The following PIK3R5 variants were observed in gnomAD, a reference collection of about 807,000 sequenced individuals.
PIK3R5 encodes the protein phosphoinositide-3-kinase regulatory subunit 5.
A neutral mutation model predicts 94.9 loss-of-function variants in PIK3R5; 32 were observed. The observed-to-expected ratio is 0.34, with a 90% CI of 0.25 to 0.45. The LOEUF is 0.45. Among genes scored for constraint, PIK3R5 ranks in the 20% least tolerant of loss-of-function variants. The probability of loss-of-function intolerance (pLI) is 1.00; values close to 1 mark genes in which losing one functional copy is unlikely to be tolerated. For missense variants in PIK3R5, 853 were observed against 1,144.6 expected (o/e 0.75, Z 3.68); for synonymous variants, 443 against 479.4 (o/e 0.92, Z 0.99).
At chr17:8,965,513 C>T (rs1412535818) in intron 1 of PIK3R5, 83 bp downstream of exon 1, 2 of 152,442 alleles carry the variant, frequency 1.3e-5, no homozygotes, top group Non-Finnish European at 2.9e-5. Flanking sequence ...CCCACTCTCC[C>T]CGACGGTCCC....
intron 6 of PIK3R5, among the ~76,000 whole-genome samples, chr17:8,891,521 C>T (rs2090023228): frequency 6.6e-6 from 1 of 152,100 alleles, no homozygotes; most frequent in African/African-American, 2.4e-5. Context: ...CTGGCCACTG[C>T]TACCTCCCTT....
In PIK3R5 at chr17:8,962,744, A is replaced by C. The variant is rs142216569; in HGVS notation, c.-14+2852T>G. Among the ~76,000 whole-genome samples, 314 of 152,374 alleles carry C rather than the reference A, an allele frequency of 2.1e-3. 1 individual carries two copies. Among genetic ancestry groups the C allele is most frequent in the African/African-American group, 6.9e-3 (287 of 41,584 alleles). ...TCAGTGAAATTCATACAATTAGCAC[A>C]TTCAGTGCTAAAATGTGAAAATATG... On this transcript the variant is annotated intron_variant, in intron 1 of 18. Transcript: ENST00000447110.
At chr17:8,885,099 C>T (rs943727850) in intron 14 of PIK3R5, 35 of 362,976 alleles carry the variant, frequency 9.6e-5, no homozygotes, top group Admixed American at 4.2e-4. Context: ...GCCCCATCTC[C>T]GCTGTGATCA....
chr17:8,955,104 T>C lies in PIK3R5; in HGVS notation c.-14+10492A>G, dbSNP rs2091446212. 6.6e-6 allele frequency among the ~76,000 whole-genome samples: 1 copy of C among 152,118 alleles called. No individual in the cohort carries two copies. On this transcript the variant is annotated intron_variant, in intron 1 of 18. Transcript: ENST00000447110. The surrounding 1 kb of genome is among the most constrained non-coding windows in gnomAD (Gnocchi z 4.4). ...CTGGTGTCTGAAGCCCTTGCAGTTGTGCACAGAAGACCAGTGATATGTCTG... is the reference window on the plus strand; with the variant it reads ...CTGGTGTCTGAAGCCCTTGCAGTTGCGCACAGAAGACCAGTGATATGTCTG...
At chr17:8,899,595 C>G (rs1177648400) in intron 5 of PIK3R5, among the ~76,000 whole-genome samples, 1 of 152,182 alleles carries the variant, frequency 6.6e-6, no homozygotes, top group Non-Finnish European at 1.5e-5. Flanking sequence ...CCAGTATTTG[C>G]AAGTACAATG....
At chr17:8,907,277 C>T (rs529291384) in intron 3 of PIK3R5, among the ~76,000 whole-genome samples, 14 of 152,152 alleles carry the variant, frequency 9.2e-5, no homozygotes, top group Admixed American at 1.3e-4. Context: ...ATGATCCGCC[C>T]GCCTTGGCTT....
chr17:8,895,932 A>G (rs1206863356), intron 5 of PIK3R5, among the ~76,000 whole-genome samples: 3 of 152,230 alleles, frequency 2.0e-5, no homozygotes, highest in Non-Finnish European at 4.4e-5. Context: ...CTCACCCCCA[A>G]AACACCATCA....
At position 8,943,885 on chromosome 17, in the gene PIK3R5, C is replaced by CTT. The variant is rs59093560; in HGVS notation, c.-14+21709_-14+21710dup. ...CTGCTGTACCCTAGGGAATATACTC[C>CTT]TTTTTTTTTTTAACTTTTATTTTAG... is the stretch of plus-strand genomic sequence containing the variant. On this transcript the variant is annotated intron_variant, in intron 1 of 18. Coordinates refer to ENST00000447110, the MANE Select transcript of PIK3R5 (RefSeq NM_001142633.3). Among the ~76,000 whole-genome samples the CTT allele has an allele frequency of 4.1e-3, 603 of 147,528 alleles. 4 individuals are homozygous for CTT. The highest frequency in any genetic ancestry group is 0.013 in the African/African-American group (524 of 40,146).
chr17:8,939,911 A>T (rs1415507933), intron 1 of PIK3R5, among the ~76,000 whole-genome samples: 1 of 152,000 alleles, frequency 6.6e-6, no homozygotes. Context: ...GAATTCCTCA[A>T]ATCTGCGTAT....
rs778924044 is a variant in PIK3R5, at chr17:8,888,540, C to G, written c.1247G>C (p.Arg416Thr). The G allele has an allele frequency of 2.1e-5, 34 of 1,611,770 alleles. No individual in the cohort carries two copies. Among genetic ancestry groups the G allele is most frequent in the Non-Finnish European group, 2.8e-5 (33 of 1,179,724 alleles). ...GATCCTGATGAACTTCTGCCCAGGC[C>G]TGCGGTGGCCTCGGCGTTCCTGGCT... is the stretch of plus-strand genomic sequence containing the variant. ...RGSQERRGHR[R>T]PGQKFIRIYK... Residue 416 changes from arginine to threonine, a missense_variant, in exon 10 of 19, where the codon AGG becomes ACG. Transcript: ENST00000447110. The surrounding 1 kb of genome is among the most constrained non-coding windows in gnomAD (Gnocchi z 7.8).
rs566409532 is a variant in PIK3R5 at position 8,884,105 on chromosome 17, T to A, written c.2205+602A>T. Among the ~76,000 whole-genome samples, 24 of 152,282 alleles carry A rather than the reference T, an allele frequency of 1.6e-4. No homozygotes were observed. In the South Asian group the frequency reaches 4.8e-3, roughly 30 times the overall value. On this transcript the variant is annotated intron_variant, in intron 15 of 18. Coordinates refer to ENST00000447110, the MANE Select transcript of PIK3R5 (RefSeq NM_001142633.3). This position sits in a 1 kb window ranked among gnomAD's most constrained non-coding sequence, Gnocchi z 5.8. ...TAAAGTGAGGCCTAGGCTTCCCTGC[T>A]CAACCCCTCTTTTCCCCTGCCCAGC...
At chr17:8,957,966 C>G (rs554734617) in intron 1 of PIK3R5, among the ~76,000 whole-genome samples, 32 of 152,272 alleles carry the variant, frequency 2.1e-4, no homozygotes, top group African/African-American at 7.2e-4. Flanking sequence ...CAAAAACTGA[C>G]AACGGCAGCA....
Position 8,884,570 on chromosome 17 carries a change from C to A in PIK3R5, c.2205+137G>T. 1 of 669,436 alleles carries A rather than the reference C, an allele frequency of 1.5e-6. No homozygotes were observed. The highest frequency in any genetic ancestry group is 2.7e-6 in the Non-Finnish European group (1 of 373,254). 41.5% of individuals were successfully genotyped at this position (669,436 alleles called of 1,614,324 possible). A position where few individuals can be genotyped will look rare whatever the true frequency, so the allele number is the denominator to read the frequency against. On this transcript the variant is annotated intron_variant, in intron 15 of 18. Transcript: ENST00000447110. This position sits in a 1 kb window ranked among gnomAD's most constrained non-coding sequence, Gnocchi z 5.8. ...TCCCTTCTCTGCTTCTCTCAGCATCCAGGGGAGCCTGCTGCAGCCTTCCAG... is the reference window on the plus strand; with the variant it reads ...TCCCTTCTCTGCTTCTCTCAGCATCAAGGGGAGCCTGCTGCAGCCTTCCAG...
At chr17:8,894,596 C>A (rs951727149) in intron 5 of PIK3R5, among the ~76,000 whole-genome samples, 5 of 152,138 alleles carry the variant, frequency 3.3e-5, no homozygotes, top group African/African-American at 1.2e-4. Context: ...AGAAACACAC[C>A]AAAGGTTTTC....
In PIK3R5 at chr17:8,890,640, TA is replaced by T; in HGVS notation, c.657+97del. The T allele has an allele frequency of 9.2e-7, 1 of 1,087,078 alleles. No homozygotes were observed. The highest frequency in any genetic ancestry group is 1.3e-6 in the Non-Finnish European group (1 of 766,682). 67.3% of individuals were successfully genotyped at this position (1,087,078 alleles called of 1,614,324 possible). On this transcript the variant is annotated intron_variant, in intron 7 of 18. Coordinates refer to ENST00000447110, the MANE Select transcript of PIK3R5 (RefSeq NM_001142633.3). This position sits in a 1 kb window ranked among gnomAD's most constrained non-coding sequence, Gnocchi z 6.1. ...GCCATGTCACCTGGGTGCAGGAGAC[TA>T]AGTGTACCCTGGAGACCGTGGCTGA...
chr17:8,917,192 G>T (rs2090647562), intron 1 of PIK3R5, among the ~76,000 whole-genome samples: 1 of 152,224 alleles, frequency 6.6e-6, no homozygotes, highest in Non-Finnish European at 1.5e-5. Flanking sequence ...GGTGAGAAAA[G>T]GGTGGATAGG....
In PIK3R5 at chr17:8,945,932, C is replaced by T. The variant is rs78030487; in HGVS notation, c.-14+19664G>A. On this transcript the variant is annotated intron_variant, in intron 1 of 18. Transcript: ENST00000447110. The surrounding 1 kb of genome is among the most constrained non-coding windows in gnomAD (Gnocchi z 4.0). ...TGAGAAATTAGATTATCCATCTGGA[C>T]GTTGCCATGATGTAAGGAAGCCCAA... 0.012 allele frequency among the ~76,000 whole-genome samples: 1,797 copies of T among 152,274 alleles called. 42 individuals are homozygous for T. The highest frequency in any genetic ancestry group is 0.042 in the African/African-American group (1,727 of 41,546).
chr17:8,885,014 C>CGT (rs995475062), intron 14 of PIK3R5: 4 of 539,324 alleles, frequency 7.4e-6, no homozygotes, highest in Non-Finnish European at 1.3e-5. Context: ...TGTGATCACA[C>CGT]ATTCCCAGGG....
Position 8,892,854 on chromosome 17 carries a change from T to A in PIK3R5, c.482+732A>T, listed in dbSNP as rs61759648. On this transcript the variant is annotated intron_variant, in intron 6 of 18. Transcript: ENST00000447110. This position sits in a 1 kb window ranked among gnomAD's most constrained non-coding sequence, Gnocchi z 4.3. Reference sequence around the variant, plus strand: ...TCCCTGGGCTCCCAACATGTCAAGGTGAGACAGCACCCAACTCTTCAAGGC... The same window carrying A: ...TCCCTGGGCTCCCAACATGTCAAGGAGAGACAGCACCCAACTCTTCAAGGC... Among the ~76,000 whole-genome samples, 1 of 152,026 alleles carries A rather than the reference T, an allele frequency of 6.6e-6. No individual in the cohort carries two copies. Among genetic ancestry groups the A allele is most frequent in the Admixed American group, 6.5e-5 (1 of 15,268 alleles).
Sources: gnomAD v4.1 joint callset for allele counts (sites outside exome capture counted in the v4.1 genomes callset) on GRCh38, gnomAD v4.1.1 for gene constraint, Gnocchi (gnomAD v3.1) non-coding constraint, MANE v1.5 for transcripts, NCBI Gene and HGNC (gene_info 2026-07-23, HGNC 2026-07-21) for gene names.